Variants in EML5 observed in about 807,000 individuals in gnomAD.
The protein encoded by EML5 is EMAP like 5.
In EML5, 120 loss-of-function variants were observed where a neutral mutation model predicts 250.0. The observed-to-expected ratio is 0.48, with a 90% confidence interval of 0.41 to 0.56. The LOEUF (loss-of-function observed/expected upper bound fraction) is 0.56, where lower values mean the gene tolerates loss of function less well. Ranked by LOEUF, EML5 falls within the 20% of genes least tolerant of loss-of-function variation. EML5 has a pLI of 0.00. For missense variants in EML5, 2,006 were observed against 2,437.6 expected (o/e 0.82, Z 3.73); for synonymous variants, 771 against 806.5 (o/e 0.96, Z 0.75).
intron 1 of EML5, among the ~76,000 whole-genome samples, chr14:88,781,574 C>A (rs955662113): frequency 6.6e-6 from 1 of 152,190 alleles, no homozygotes; most frequent in Non-Finnish European, 1.5e-5. Context: ...CCACCCAAAT[C>A]TCACCTTGAT....
chr14:88,788,491 C>T (rs765133841), intron 1 of EML5, among the ~76,000 whole-genome samples: 2 of 151,362 alleles, frequency 1.3e-5, no homozygotes, highest in Admixed American at 6.6e-5. Flanking sequence ...TCAGATGCAT[C>T]GTCATTTGAG....
chr14:88,701,577 GAAAGGAAGAA>G (rs1417004779), intron 14 of EML5, among the ~76,000 whole-genome samples: 2 of 152,060 alleles, frequency 1.3e-5, no homozygotes, highest in East Asian at 1.9e-4. Context: ...GAGGCACAAA[GAAAGGAAGAA>G]AAAGGAAGAA....
chr14:88,650,863 A>G (rs2091587280), intron 27 of EML5, among the ~76,000 whole-genome samples: 1 of 152,096 alleles, frequency 6.6e-6, no homozygotes. Context: ...GCTGGTGCTA[A>G]ACACCTAGTC....
chr14:88,620,467 A>G lies in EML5; in HGVS notation c.5375+287T>C. ...GATAGCTCTCTTGTATTACAGTGGGAGATACCTCTTGGTGGGATGAACTTA... is the reference window on the plus strand; with the variant it reads ...GATAGCTCTCTTGTATTACAGTGGGGGATACCTCTTGGTGGGATGAACTTA... On this transcript the variant is annotated intron_variant, in intron 39 of 43. Transcript: ENST00000554922. This position sits in a 1 kb window ranked among gnomAD's most constrained non-coding sequence, Gnocchi z 4.3. The G allele has an allele frequency of 3.8e-6, 1 of 260,614 alleles. No homozygotes were observed. The highest frequency in any genetic ancestry group is 7.2e-6 in the Non-Finnish European group (1 of 139,762). The allele number at this position is 260,614 out of a possible 1,614,324, so 16.1% of individuals were successfully genotyped here.
chr14:88,736,013 T>G (rs908712658), intron 7 of EML5, among the ~76,000 whole-genome samples: 5 of 150,848 alleles, frequency 3.3e-5, no homozygotes, highest in African/African-American at 1.2e-4. Flanking sequence ...CTTTTTTTTT[T>G]TTTTTTGAGA....
intron 21 of EML5, among the ~76,000 whole-genome samples, chr14:88,681,428 G>A (rs964818705): frequency 6.6e-6 from 1 of 152,194 alleles, no homozygotes; most frequent in Non-Finnish European, 1.5e-5. Flanking sequence ...GGCCAAGATG[G>A]GGAAACCCTG....
intron 12 of EML5, 98 bp downstream of exon 12, chr14:88,705,384 A>C: frequency 1.1e-6 from 1 of 921,272 alleles, no homozygotes; most frequent in Admixed American, 2.2e-5. Flanking sequence ...TGCTTGAGAA[A>C]TTAAAGCCAC....
At chr14:88,759,094 G>A (rs927386627) in intron 1 of EML5, among the ~76,000 whole-genome samples, 1 of 152,214 alleles carries the variant, frequency 6.6e-6, no homozygotes, top group South Asian at 2.1e-4. Flanking sequence ...GAAAAACTTT[G>A]ACTATACTAA....
intron 27 of EML5, among the ~76,000 whole-genome samples, chr14:88,656,837 C>T (rs527417541): frequency 1.9e-4 from 29 of 152,238 alleles, no homozygotes; most frequent in Admixed American, 1.2e-3. Flanking sequence ...AAAAAGTACT[C>T]GGTATTGGAT....
intron 13 of EML5, among the ~76,000 whole-genome samples, chr14:88,702,838 T>C (rs2093242013): frequency 6.6e-6 from 1 of 152,174 alleles, no homozygotes; most frequent in South Asian, 2.1e-4. Flanking sequence ...CCCTGCAATT[T>C]TGACCACCTA....
At chr14:88,709,407 AAAAG>A (rs1194831498) in intron 10 of EML5, among the ~76,000 whole-genome samples, 1 of 149,426 alleles carries the variant, frequency 6.7e-6, no homozygotes, top group African/African-American at 2.6e-5. Context: ...AAAGATCAAT[AAAAG>A]AAATAACCCA....
At position 88,660,187 on chromosome 14, in the gene EML5, G is replaced by A. The variant is rs541248272; in HGVS notation, c.3675+1467C>T. On this transcript the variant is annotated intron_variant, in intron 25 of 43. Coordinates refer to ENST00000554922, the MANE Select transcript of EML5 (RefSeq NM_183387.3). ...GGTCCCAGTTACTCAAGAGGCTGAG[G>A]TGGGAGGATAACTTGGGTCTGGAAG... Among the ~76,000 whole-genome samples the A allele has an allele frequency of 1.1e-3, 167 of 151,786 alleles. 3 individuals carry two copies. In the South Asian group the frequency reaches 0.034, roughly 31 times the overall value.
chr14:88,624,605 A>C (rs1317115266), intron 36 of EML5: 3 of 198,266 alleles, frequency 1.5e-5, no homozygotes, highest in Non-Finnish European at 3.1e-5. Flanking sequence ...CTTAGAATCC[A>C]TTCTGAACAA....
chr14:88,656,502 G>C (rs1474709959), intron 27 of EML5, among the ~76,000 whole-genome samples: 1 of 152,082 alleles, frequency 6.6e-6, no homozygotes, highest in Non-Finnish European at 1.5e-5. Flanking sequence ...AGCATTAGAA[G>C]AAATACCTAA....
chr14:88,747,976 G>C (rs80201682), intron 2 of EML5, among the ~76,000 whole-genome samples: 1,522 of 151,958 alleles, frequency 0.01, 23 homozygotes, highest in African/African-American at 0.035. Flanking sequence ...AAAGCACTGT[G>C]AACCCTGAAA....
intron 16 of EML5, 132 bp from the exon 17 acceptor site, chr14:88,694,539 C>T: frequency 3.1e-6 from 2 of 648,572 alleles, no homozygotes; most frequent in Non-Finnish European, 5.2e-6. Context: ...CAGGTTTGGG[C>T]TGTGTATTTG....
intron 7 of EML5, 101 bp from the exon 8 acceptor site, chr14:88,726,779 A>G (rs1246155212): frequency 1.2e-6 from 1 of 814,552 alleles, no homozygotes. Context: ...ATAAATCTAG[A>G]TATCTTAACT....
At chr14:88,616,049 C>T (rs2087558009) in intron 43 of EML5, 93 bp downstream of exon 43, 15 of 1,391,514 alleles carry the variant, frequency 1.1e-5, no homozygotes, top group South Asian at 2.4e-5. Context: ...TGTTGACTAG[C>T]TGATTTCATA....
intron 17 of EML5, among the ~76,000 whole-genome samples, chr14:88,690,714 A>C (rs2092936802): frequency 6.6e-6 from 1 of 152,250 alleles, no homozygotes; most frequent in African/African-American, 2.4e-5. Context: ...AAATCACATC[A>C]CACTTTTATG....
Sources: allele counts gnomAD v4.1 joint callset (sites outside exome capture counted in the v4.1 genomes callset), GRCh38; gene constraint gnomAD v4.1.1; non-coding constraint Gnocchi (gnomAD v3.1); transcripts MANE v1.5; gene names NCBI Gene and HGNC (gene_info 2026-07-23, HGNC 2026-07-21).